MSI2: variants seen among roughly 807,000 people sequenced by gnomAD.
MSI2 encodes the protein musashi RNA binding protein 2.
In MSI2, 17 loss-of-function variants were observed where a neutral mutation model predicts 45.6. The ratio of observed to expected loss-of-function variants is 0.37; its 90% CI spans 0.26 to 0.56. The LOEUF (loss-of-function observed/expected upper bound fraction) is 0.56. MSI2 is among the 20% of genes least tolerant of loss of function. The pLI is 0.77. For synonymous variants in MSI2, 156 were observed against 158.2 expected, an observed-to-expected ratio of 0.99 and a Z score of 0.11; for missense variants, 293 against 444.2, an observed-to-expected ratio of 0.66 and a Z score of 3.06.
At chr17:57,383,109 G>T (rs1183251026) in intron 5 of MSI2, among the ~76,000 whole-genome samples, 1 of 152,174 alleles carries the variant, frequency 6.6e-6, no homozygotes, top group African/African-American at 2.4e-5. Flanking sequence ...TCCCAGCAAG[G>T]ACAGAGACCC....
chr17:57,458,542 G>A (rs2085161027), intron 6 of MSI2, among the ~76,000 whole-genome samples: 2 of 152,226 alleles, frequency 1.3e-5, no homozygotes, highest in Non-Finnish European at 2.9e-5. Flanking sequence ...TTTGGAAGCT[G>A]ACAGCCTCAT....
intron 6 of MSI2, among the ~76,000 whole-genome samples, chr17:57,416,422 A>G (rs866524041): frequency 2.6e-5 from 4 of 152,232 alleles, no homozygotes; most frequent in African/African-American, 4.8e-5. Flanking sequence ...AAGGAGGCAC[A>G]TGGGGCTGGA....
intron 5 of MSI2, among the ~76,000 whole-genome samples, chr17:57,290,966 A>C (rs964504465): frequency 1.3e-5 from 2 of 152,168 alleles, no homozygotes; most frequent in African/African-American, 4.8e-5. Flanking sequence ...CCTGGGTGTA[A>C]ACCTCTGCGA....
At chr17:57,527,465 G>GGT (rs1567878773) in intron 6 of MSI2, among the ~76,000 whole-genome samples, 2 of 13,898 alleles carry the variant, frequency 1.4e-4, no homozygotes, top group South Asian at 1.5e-3. Flanking sequence ...GGTTACCGTC[G>GGT]GCGGGGGCTC....
chr17:57,631,550 A>G (rs1386136151), intron 10 of MSI2: 3 of 506,428 alleles, frequency 5.9e-6, no homozygotes, highest in East Asian at 3.3e-5. Context: ...TAGACACTGG[A>G]TAGTTTTTAG....
chr17:57,282,840 T>TTTTTTTTTTC, intron 5 of MSI2, among the ~76,000 whole-genome samples: 1 of 148,330 alleles, frequency 6.7e-6, no homozygotes, highest in Admixed American at 6.7e-5. Flanking sequence ...GCAGACTTTT[T>TTTTTTTTTTC]TTTTTTTTCA....
At chr17:57,328,641 G>C (rs1354982584) in intron 5 of MSI2, among the ~76,000 whole-genome samples, 1 of 152,062 alleles carries the variant, frequency 6.6e-6, no homozygotes. Context: ...CCATTGTATA[G>C]ATATAACCTA....
At chr17:57,611,747 C>T (rs113209931) in intron 8 of MSI2, among the ~76,000 whole-genome samples, 5,205 of 95,434 alleles carry the variant, frequency 0.055, 1,743 homozygotes, top group African/African-American at 0.16. Context: ...CCAGCCAAAC[C>T]AGTGTGGCTG....
intron 5 of MSI2, among the ~76,000 whole-genome samples, chr17:57,371,155 G>T (rs1367492298): frequency 6.6e-6 from 1 of 152,048 alleles, no homozygotes; most frequent in Non-Finnish European, 1.5e-5. Flanking sequence ...AAATGCTCGT[G>T]ACTCAAATTA....
chr17:57,590,682 C>T lies in MSI2; in HGVS notation c.455-6186C>T, dbSNP rs34669193. On this transcript the variant is annotated intron_variant, in intron 7 of 13. Coordinates refer to ENST00000284073, the MANE Select transcript of MSI2 (RefSeq NM_138962.4). ...ACCTTCCCACCACCTTCTTTGTCCC[C>T]GCTTTGCTGACTACTGGAGCCCCTT... is the stretch of plus-strand genomic sequence containing the variant. Among the ~76,000 whole-genome samples the T allele has an allele frequency of 5.9e-5, 9 of 152,004 alleles. No homozygotes were observed. The South Asian group carries it at 1.4e-3, about 24-fold the overall frequency.
At chr17:57,553,045 G>A (rs1046639681) in intron 7 of MSI2, among the ~76,000 whole-genome samples, 1 of 152,172 alleles carries the variant, frequency 6.6e-6, no homozygotes, top group Non-Finnish European at 1.5e-5. Context: ...GAGAATGTTG[G>A]CACCACTGGG....
At chr17:57,328,595 C>T (rs1426335066) in intron 5 of MSI2, among the ~76,000 whole-genome samples, 1 of 152,212 alleles carries the variant, frequency 6.6e-6, no homozygotes, top group African/African-American at 2.4e-5. Context: ...CGGTTACACA[C>T]ATCAACAGCA....
chr17:57,572,584 A>G (rs2144316894), intron 7 of MSI2, among the ~76,000 whole-genome samples: 1 of 152,336 alleles, frequency 6.6e-6, no homozygotes, highest in East Asian at 1.9e-4. Context: ...CTGCAGCCTC[A>G]GGTACCTCCT....
intron 8 of MSI2, among the ~76,000 whole-genome samples, chr17:57,598,603 TC>T (rs1349531440): frequency 6.6e-6 from 1 of 152,100 alleles, no homozygotes; most frequent in Non-Finnish European, 1.5e-5. Flanking sequence ...CTTTCTCAGC[TC>T]CCCAGATGTC....
At chr17:57,400,312 G>T (rs956249475) in intron 5 of MSI2, among the ~76,000 whole-genome samples, 1 of 151,404 alleles carries the variant, frequency 6.6e-6, no homozygotes, top group Non-Finnish European at 1.5e-5. Context: ...TCTTTAGAAA[G>T]AAATTTTTCT....
chr17:57,563,158 T>TTATGTGTA (rs1348825357), intron 7 of MSI2, among the ~76,000 whole-genome samples: 1 of 151,390 alleles, frequency 6.6e-6, no homozygotes, highest in Non-Finnish European at 1.5e-5. Context: ...TGCAGTTTTG[T>TTATGTGTA]TATGTGTATA....
chr17:57,410,888 T>A (rs1362778298), intron 6 of MSI2, among the ~76,000 whole-genome samples: 1 of 152,246 alleles, frequency 6.6e-6, no homozygotes, highest in African/African-American at 2.4e-5. Flanking sequence ...CCAGCTTTCT[T>A]ATGGAATGAC....
At chr17:57,286,752 G>C (rs1279483413) in intron 5 of MSI2, among the ~76,000 whole-genome samples, 1 of 152,040 alleles carries the variant, frequency 6.6e-6, no homozygotes, top group African/African-American at 2.4e-5. Context: ...AAGGCAAAAT[G>C]ACCTTCCAGT....
intron 6 of MSI2, among the ~76,000 whole-genome samples, chr17:57,459,017 C>T (rs1421555369): frequency 6.6e-6 from 1 of 152,232 alleles, no homozygotes; most frequent in Non-Finnish European, 1.5e-5. Context: ...GGAAGAATGC[C>T]TCCCTCTTTG....
Sources: gnomAD v4.1 joint callset for allele counts (sites outside exome capture counted in the v4.1 genomes callset) on GRCh38, gnomAD v4.1.1 for gene constraint, MANE v1.5 for transcripts, NCBI Gene and HGNC (gene_info 2026-07-23, HGNC 2026-07-21) for gene names.